PLAAT5: variants seen among roughly 807,000 people sequenced by gnomAD.
PLAAT5 encodes phospholipase A and acyltransferase 5.
PLAAT5 carries 27 observed loss-of-function variants against 27.8 expected under a neutral mutation model. That is an observed-to-expected ratio of 0.97 (90% CI 0.72 to 1.34). The LOEUF (loss-of-function observed/expected upper bound fraction) is 1.34. PLAAT5 is among the 40% of genes most tolerant of loss of function. PLAAT5 has a pLI of 0.00. For synonymous variants in PLAAT5, 125 were observed against 136.1 expected (o/e 0.92, Z 0.57); for missense variants, 368 against 343.8 (o/e 1.07, Z -0.56).
At chr11:63,490,629 A>G in intron 1 of PLAAT5, 1 of 608,572 alleles carries the variant, frequency 1.6e-6, no homozygotes, top group Non-Finnish European at 2.9e-6. Flanking sequence ...GCCGAGCCAG[A>G]GCCGGTCTTA....
At chr11:63,469,150 G>C (rs2015951004) in intron 3 of PLAAT5, among the ~76,000 whole-genome samples, 1 of 150,686 alleles carries the variant, frequency 6.6e-6, no homozygotes, top group African/African-American at 2.4e-5. Context: ...GTGTGTGAGA[G>C]AGAGAGAGAG....
At position 63,490,242 on chromosome 11, in the gene PLAAT5, C is replaced by G; in HGVS notation, c.239+1G>C. Reference sequence around the variant, plus strand: ...AGACCCCAACCTTACAATCTTCTTACCCTTGCTGGATGCTTCTGCCCTGTT... The same window carrying G: ...AGACCCCAACCTTACAATCTTCTTAGCCTTGCTGGATGCTTCTGCCCTGTT... On this transcript the variant is annotated splice_donor_variant, in intron 2 of 5. Coordinates refer to ENST00000540857, the MANE Select transcript of PLAAT5 (RefSeq NM_001146729.2). LOFTEE classifies it high-confidence loss of function. 6.2e-7 allele frequency: 1 copy of G among 1,614,242 alleles called. No homozygotes were observed. Among genetic ancestry groups the G allele is most frequent in the Non-Finnish European group, 8.5e-7 (1 of 1,180,038 alleles).
chr11:63,463,624 T>C (rs2015777000), intron 5 of PLAAT5, 29 bp from the exon 6 acceptor site: 1 of 1,582,006 alleles, frequency 6.3e-7, no homozygotes, highest in Non-Finnish European at 8.7e-7. Context: ...CACAGGACAA[T>C]CAGTACCAAT....
chr11:63,490,815 T>G, intron 1 of PLAAT5, 72 bp downstream of exon 1: 2 of 1,382,594 alleles, frequency 1.4e-6, no homozygotes, highest in Non-Finnish European at 2.0e-6. Context: ...AAAAGGAGCT[T>G]TGAGGGTAAC....
intron 3 of PLAAT5, among the ~76,000 whole-genome samples, chr11:63,472,578 C>T (rs1396097122): frequency 1.3e-5 from 2 of 152,192 alleles, no homozygotes; most frequent in African/African-American, 2.4e-5. Context: ...AGATATTTCG[C>T]AATCCACAAA....
intron 3 of PLAAT5, among the ~76,000 whole-genome samples, chr11:63,481,788 C>T (rs1295163592): frequency 6.6e-6 from 1 of 152,158 alleles, no homozygotes. Context: ...CCATCATTCT[C>T]AGCAAACTAT....
intron 3 of PLAAT5, among the ~76,000 whole-genome samples, chr11:63,482,353 G>C (rs2016307328): frequency 6.6e-6 from 1 of 152,160 alleles, no homozygotes. Context: ...AATCTTATGA[G>C]CTGTGAGGCA....
intron 3 of PLAAT5, among the ~76,000 whole-genome samples, chr11:63,473,425 C>T (rs768834270): frequency 6.6e-6 from 1 of 152,098 alleles, no homozygotes; most frequent in African/African-American, 2.4e-5. Flanking sequence ...AAAATGTGTG[C>T]GACTCACTTT....
intron 3 of PLAAT5, among the ~76,000 whole-genome samples, chr11:63,474,939 A>T (rs1354689793): frequency 6.6e-6 from 1 of 151,966 alleles, no homozygotes; most frequent in Non-Finnish European, 1.5e-5. Context: ...ATGTTGCTTA[A>T]TTTCCAAATA....
rs199583661 is a variant in PLAAT5 at position 63,471,330 on chromosome 11, ACTT to A, written c.346-2868_346-2866del. On this transcript the variant is annotated intron_variant, in intron 3 of 5. Transcript: ENST00000540857. ...TATATAACTTTAAAAGAAACAGAAG[ACTT>A]TTTTTGAAGAGTTATAATTACAAAG... 5.6e-3 allele frequency among the ~76,000 whole-genome samples: 846 copies of A among 152,304 alleles called. 9 individuals are homozygous for A. Among genetic ancestry groups the A allele is most frequent in the African/African-American group, 0.019 (785 of 41,572 alleles).
chr11:63,484,860 G>A (rs2016396837), intron 3 of PLAAT5, among the ~76,000 whole-genome samples: 1 of 152,096 alleles, frequency 6.6e-6, no homozygotes, highest in African/African-American at 2.4e-5. Flanking sequence ...AACTGTTGCT[G>A]TTTGCTGATA....
chr11:63,490,439 C>T, intron 1 of PLAAT5, 106 bp from the exon 2 acceptor site: 2 of 1,581,698 alleles, frequency 1.3e-6, no homozygotes, highest in Non-Finnish European at 1.7e-6. Flanking sequence ...AGCATCGTGC[C>T]TGGCCCCTGG....
intron 3 of PLAAT5, among the ~76,000 whole-genome samples, chr11:63,478,523 G>A (rs2016207000): frequency 6.6e-6 from 1 of 152,036 alleles, no homozygotes; most frequent in Non-Finnish European, 1.5e-5. Flanking sequence ...GGGTTTTACC[G>A]TGTTAGCCAG....
chr11:63,471,762 T>G (rs571093831), intron 3 of PLAAT5, among the ~76,000 whole-genome samples: 20 of 152,356 alleles, frequency 1.3e-4, no homozygotes, highest in African/African-American at 3.6e-4. Flanking sequence ...ATTTTGAAAT[T>G]CTGATTTAAG....
chr11:63,474,821 A>C (rs2016114968), intron 3 of PLAAT5, among the ~76,000 whole-genome samples: 1 of 151,998 alleles, frequency 6.6e-6, no homozygotes, highest in Non-Finnish European at 1.5e-5. Context: ...TCCTCTAAGC[A>C]CTTCAGCTGC....
In PLAAT5 at chr11:63,463,514, T is replaced by A. The variant is rs913858820; in HGVS notation, c.799A>T (p.Ile267Leu). 1 of 1,613,308 alleles carries A rather than the reference T, an allele frequency of 6.2e-7. No individual in the cohort carries two copies. The highest frequency in any genetic ancestry group is 8.5e-7 in the Non-Finnish European group (1 of 1,179,518). The change falls in exon 6 of 6, where the codon ATA becomes TTA. Residue 267 changes from isoleucine to leucine, a missense_variant. Ile to Leu is a conservative substitution (Grantham distance 5). Transcript: ENST00000540857. ...AVVDSIKPKPITA is the reference protein window; with the variant it reads ...AVVDSIKPKPLTA Reference sequence around the variant, plus strand: ...AGTTTTCATCACCTTCAGGCAGTTATTGGTTTGGGCTTTATGCTATCCACT... The same window carrying A: ...AGTTTTCATCACCTTCAGGCAGTTAATGGTTTGGGCTTTATGCTATCCACT...
intron 3 of PLAAT5, among the ~76,000 whole-genome samples, chr11:63,482,974 C>G (rs1296283811): frequency 6.6e-6 from 1 of 152,096 alleles, no homozygotes. Context: ...TAAGACAAAA[C>G]AGACCTTAAA....
At chr11:63,470,871 T>C (rs2016006060) in intron 3 of PLAAT5, 1 of 152,120 alleles carries the variant, frequency 6.6e-6, no homozygotes, top group Non-Finnish European at 1.5e-5. Flanking sequence ...TCAGAAAATA[T>C]AAGCCTTTAA....
rs887959954 is a variant in PLAAT5 at position 63,461,856 on chromosome 11, C to T, written c.*1647G>A. The stretch of plus-strand genomic sequence containing the variant: ...TAGCCAGGGTTTGGCACTTGGGAGA[C>T]ACTCAAAAATATTTTTTGGACAAAC... On this transcript the variant is annotated 3_prime_UTR_variant, in exon 6 of 6. Transcript: ENST00000540857. 3.3e-5 allele frequency: 5 copies of T among 152,298 alleles called. No homozygotes were observed. Among genetic ancestry groups the T allele is most frequent in the Middle Eastern group, 3.4e-3 (1 of 294 alleles). The allele number at this position is 152,298 out of a possible 1,614,324, so 9.4% of individuals were successfully genotyped here.
Sources: gnomAD v4.1 joint callset for allele counts (sites outside exome capture counted in the v4.1 genomes callset) on GRCh38, gnomAD v4.1.1 for gene constraint, MANE v1.5 for transcripts, NCBI Gene and HGNC (gene_info 2026-07-23, HGNC 2026-07-21) for gene names.